Variants in EIF4ENIF1 observed in about 807,000 individuals in gnomAD.
The protein encoded by EIF4ENIF1 is eukaryotic translation initiation factor 4E transporter.
In EIF4ENIF1, 23 loss-of-function variants were observed where a neutral mutation model predicts 110.5. The ratio of observed to expected loss-of-function variants is 0.21; its 90% CI spans 0.15 to 0.29. EIF4ENIF1 has a LOEUF of 0.29. EIF4ENIF1 is among the 10% of genes least tolerant of loss of function. EIF4ENIF1 has a pLI of 1.00. For synonymous variants in EIF4ENIF1, 440 were observed against 437.0 expected (o/e 1.01, Z -0.09); for missense variants, 1,031 against 1,221.1 (o/e 0.84, Z 2.32).
intron 7 of EIF4ENIF1, among the ~76,000 whole-genome samples, chr22:31,456,329 T>C (rs1311456805): frequency 1.3e-5 from 2 of 150,872 alleles, no homozygotes; most frequent in East Asian, 2.0e-4. Context: ...GTTCACACCA[T>C]TCTCCTGCCT....
At chr22:31,443,212 A>C in intron 15 of EIF4ENIF1, 118 bp from the exon 16 acceptor site, 1 of 1,403,398 alleles carries the variant, frequency 7.1e-7, no homozygotes, top group Non-Finnish European at 9.5e-7. Context: ...GCATAGGCCA[A>C]CTGTAGTATT....
At chr22:31,462,823 TC>T in intron 6 of EIF4ENIF1, 108 bp downstream of exon 6, 2 of 1,126,192 alleles carry the variant, frequency 1.8e-6, no homozygotes, top group East Asian at 5.0e-5. Context: ...CCTCAGGTGA[TC>T]CGCCCACCTC....
intron 2 of EIF4ENIF1, among the ~76,000 whole-genome samples, chr22:31,481,203 C>T (rs994278495): frequency 6.6e-6 from 1 of 152,108 alleles, no homozygotes; most frequent in Non-Finnish European, 1.5e-5. Flanking sequence ...CACTCTGTTG[C>T]CCATGCTGGA....
intron 7 of EIF4ENIF1, among the ~76,000 whole-genome samples, chr22:31,456,314 C>A (rs546792967): frequency 6.6e-6 from 1 of 151,330 alleles, no homozygotes; most frequent in African/African-American, 2.4e-5. Context: ...AGCTCCGCCT[C>A]CCGGGTTCAC....
chr22:31,482,976 A>G (rs573681839), intron 2 of EIF4ENIF1, among the ~76,000 whole-genome samples: 2 of 151,940 alleles, frequency 1.3e-5, no homozygotes, highest in South Asian at 2.1e-4. Flanking sequence ...GTGAGCCGAC[A>G]TAGGGCCACT....
rs2051254897 is a variant in EIF4ENIF1, at chr22:31,468,228, C to G, written c.245G>C (p.Ser82Thr). The change falls in exon 4 of 19, where the codon AGT becomes ACT. Residue 82 changes from serine to threonine, a missense_variant. Transcript: ENST00000330125. Reference protein sequence around the residue: ...PASGRSSPVESLKKELDTDRP... With the variant: ...PASGRSSPVETLKKELDTDRP... ...GTCTGTATCCAACTCTTTCTTCAGACTTTCCACTGGTGAGCTCCGCCCTGA... is the reference window on the plus strand; with the variant it reads ...GTCTGTATCCAACTCTTTCTTCAGAGTTTCCACTGGTGAGCTCCGCCCTGA... The G allele has an allele frequency of 6.2e-7, 1 of 1,614,230 alleles. No individual in the cohort carries two copies. Among genetic ancestry groups the G allele is most frequent in the East Asian group, 2.2e-5 (1 of 44,880 alleles).
rs767424301 is a variant in EIF4ENIF1 at position 31,439,832 on chromosome 22, C to T, written c.*48G>A. On this transcript the variant is annotated 3_prime_UTR_variant, in exon 19 of 19. Transcript: ENST00000330125. ...AACCCGAGATGAAGCAGGGTCCTGC[C>T]CAGTGTGCCACCACAGGTCCGGGCT... 2.5e-6 allele frequency: 4 copies of T among 1,599,952 alleles called. No homozygotes were observed. The South Asian group carries it at 3.3e-5, about 13-fold the overall frequency.
chr22:31,493,342 T>G (rs1307586217), upstream of EIF4ENIF1, among the ~76,000 whole-genome samples: 1 of 152,032 alleles, frequency 6.6e-6, no homozygotes, highest in African/African-American at 2.4e-5. Flanking sequence ...AACTTGTAAT[T>G]TTTTGAGACC....
At chr22:31,481,509 C>T (rs937711700) in intron 2 of EIF4ENIF1, among the ~76,000 whole-genome samples, 1 of 152,168 alleles carries the variant, frequency 6.6e-6, no homozygotes, top group Non-Finnish European at 1.5e-5. Context: ...AAATTTGTCA[C>T]AGAAATGCCA....
intron 2 of EIF4ENIF1, 116 bp from the exon 3 acceptor site, chr22:31,472,033 T>G: frequency 1.3e-6 from 1 of 775,540 alleles, no homozygotes; most frequent in Non-Finnish European, 2.0e-6. Flanking sequence ...AATTCTTATT[T>G]ACATCTTGCC....
chr22:31,471,892 A>G lies in EIF4ENIF1; in HGVS notation c.122T>C (p.Leu41Pro). The G allele has an allele frequency of 6.2e-7, 1 of 1,604,252 alleles. No individual in the cohort carries two copies. The highest frequency in any genetic ancestry group is 8.5e-7 in the Non-Finnish European group (1 of 1,177,552). Reference protein sequence around the residue: ...TKEELLDIKELPHSKQRPSCL... With the variant: ...TKEELLDIKEPPHSKQRPSCL... The stretch of plus-strand genomic sequence containing the variant: ...TGAAGGCCTCTGTTTGGAATGGGGG[A>G]GTTCTTTTATATCCAAGAGTTCTTC... The change falls in exon 3 of 19, where the codon CTC (leucine) becomes CCC (proline). Residue 41 changes from leucine to proline, a missense_variant. Leu to Pro is a moderately conservative substitution (Grantham distance 98, BLOSUM62 -3). Coordinates refer to ENST00000330125, the MANE Select transcript of EIF4ENIF1 (RefSeq NM_019843.4).
At chr22:31,466,595 A>C (rs1601613994) in intron 4 of EIF4ENIF1, among the ~76,000 whole-genome samples, 1 of 134,186 alleles carries the variant, frequency 7.5e-6, no homozygotes, top group Non-Finnish European at 1.6e-5. Context: ...AAAACAACAA[A>C]AAAAAACAAA....
At chr22:31,441,718 A>G in intron 17 of EIF4ENIF1, 56 bp downstream of exon 17, 1 of 1,431,876 alleles carries the variant, frequency 7.0e-7, no homozygotes, top group Non-Finnish European at 9.5e-7. Context: ...ATCAGTGCCA[A>G]CAATTGTCCC....
intron 5 of EIF4ENIF1, 78 bp from the exon 6 acceptor site, chr22:31,463,211 G>A (rs569176215): frequency 8.8e-5 from 120 of 1,364,888 alleles, no homozygotes; most frequent in Non-Finnish European, 1.1e-4. Context: ...TCGTTGTAAT[G>A]TTCAATAGTG....
At chr22:31,455,821 C>T (rs771402491) in intron 8 of EIF4ENIF1, 31 bp downstream of exon 8, 2 of 1,611,886 alleles carry the variant, frequency 1.2e-6, no homozygotes, top group Admixed American at 1.7e-5. Context: ...CCCAGGTTTA[C>T]CTTCAAGGGC....
In EIF4ENIF1 at chr22:31,450,461, A is replaced by C. The variant is rs1454944747; in HGVS notation, c.1513-101T>G. 3.5e-6 allele frequency: 3 copies of C among 861,630 alleles called. No individual in the cohort carries two copies. In the African/African-American group the frequency reaches 5.1e-5, roughly 15 times the overall value. 53.4% of individuals were successfully genotyped at this position (861,630 alleles called of 1,614,324 possible). A position where few individuals can be genotyped will look rare whatever the true frequency, so the allele number is the denominator to read the frequency against. ...AAGCATAAAATACTCCTAGGGAGTT[A>C]ATAGCAGAATGATACTCAAGTCACA... On this transcript the variant is annotated intron_variant, in intron 10 of 18. Transcript: ENST00000330125.
At chr22:31,474,446 G>A (rs1332611128) in intron 2 of EIF4ENIF1, among the ~76,000 whole-genome samples, 3 of 151,078 alleles carry the variant, frequency 2.0e-5, no homozygotes, top group Non-Finnish European at 2.9e-5. Flanking sequence ...GCCAGTGGGT[G>A]CCTCTTCAAA....
chr22:31,450,260 C>A, intron 11 of EIF4ENIF1, 29 bp downstream of exon 11: 1 of 1,600,288 alleles, frequency 6.2e-7, no homozygotes, highest in Non-Finnish European at 8.6e-7. Flanking sequence ...TTCAAGACTC[C>A]AAGGCCTCAG....
chr22:31,477,630 G>A (rs2051639774), intron 2 of EIF4ENIF1, among the ~76,000 whole-genome samples: 1 of 152,196 alleles, frequency 6.6e-6, no homozygotes, highest in Non-Finnish European at 1.5e-5. Context: ...GCCTGTAAGA[G>A]CAGAAGGCAG....
Sources: allele counts gnomAD v4.1 joint callset (sites outside exome capture counted in the v4.1 genomes callset), GRCh38; gene constraint gnomAD v4.1.1; transcripts MANE v1.5; gene names NCBI Gene and HGNC (gene_info 2026-07-23, HGNC 2026-07-21).